CNNM2: variants seen among roughly 807,000 people sequenced by gnomAD.
The protein encoded by CNNM2 is cyclin and CBS domain divalent metal cation transport mediator 2.
CNNM2 carries 12 observed loss-of-function variants against 66.9 expected under a neutral mutation model. The ratio of observed to expected loss-of-function variants is 0.18; its 90% CI spans 0.11 to 0.29. The LOEUF is 0.29. Among genes scored for constraint, CNNM2 ranks in the 10% least tolerant of loss-of-function variants. The pLI is 1.00. For missense variants in CNNM2, 705 were observed against 1,167.7 expected, an observed-to-expected ratio of 0.60 and a Z score of 5.77; for synonymous variants, 557 against 501.8, an observed-to-expected ratio of 1.11 and a Z score of -1.47.
At chr10:103,070,877 C>A (rs12264456) in intron 5 of CNNM2, among the ~76,000 whole-genome samples, 1 of 151,994 alleles carries the variant, frequency 6.6e-6, no homozygotes, top group Non-Finnish European at 1.5e-5. Flanking sequence ...TTGCAGTGAG[C>A]GCAGAGCACG....
intron 1 of CNNM2, among the ~76,000 whole-genome samples, chr10:103,041,836 T>G (rs1047779208): frequency 2.0e-5 from 3 of 152,262 alleles, no homozygotes; most frequent in African/African-American, 7.2e-5. Flanking sequence ...TCTTTGGTTC[T>G]ATCTCAGCCT....
chr10:103,082,386 G>T lies in CNNM2; in HGVS notation c.*5206G>T, dbSNP rs1035242710. ...CAGACTTCTAGAGCAGAGCAAAGTT[G>T]GGAAGAATGAGGTCTTAGGATTCTC... On this transcript the variant is annotated 3_prime_UTR_variant, in exon 8 of 8. Coordinates refer to ENST00000369878, the MANE Select transcript of CNNM2 (RefSeq NM_017649.5). The T allele has an allele frequency of 2.0e-5, 3 of 152,186 alleles. No homozygotes were observed. The highest frequency in any genetic ancestry group is 2.4e-5 in the African/African-American group (1 of 41,430). The allele number at this position is 152,186 out of a possible 1,614,324, so 9.4% of individuals were successfully genotyped here.
chr10:102,939,680 C>T (rs181808609), intron 1 of CNNM2, among the ~76,000 whole-genome samples: 1 of 152,212 alleles, frequency 6.6e-6, no homozygotes, highest in Admixed American at 6.5e-5. Flanking sequence ...TATTTAGCAT[C>T]ATAATAAAGA....
chr10:102,976,425 C>CTTTTTTTTTTTTTTTTTTT lies in CNNM2; in HGVS notation c.1621+56332_1621+56350dup, dbSNP rs1206577839. Among the ~76,000 whole-genome samples the CTTTTTTTTTTTTTTTTTTT allele has an allele frequency of 5.8e-5, 2 of 34,690 alleles. 1 individual carries two copies. The highest frequency in any genetic ancestry group is 1.0e-4 in the Non-Finnish European group (2 of 19,636). 22.8% of individuals were successfully genotyped at this position (34,690 alleles called of 152,430 possible). A position where few individuals can be genotyped will look rare whatever the true frequency, so the allele number is the denominator to read the frequency against. ...TTACAGTATCAGTTCCAATTCTTGC[C>CTTTTTTTTTTTTTTTTTTT]TTTTTTTTTTTTTTTTTTTTTTTTT... On this transcript the variant is annotated intron_variant, in intron 1 of 7. Coordinates refer to ENST00000369878, the MANE Select transcript of CNNM2 (RefSeq NM_017649.5).
In CNNM2 at chr10:103,082,565, G is replaced by A. The variant is rs748010772; in HGVS notation, c.*5385G>A. 4 of 152,214 alleles carry A rather than the reference G, an allele frequency of 2.6e-5. No homozygotes were observed. The highest frequency in any genetic ancestry group is 5.9e-5 in the Non-Finnish European group (4 of 68,048). The allele number at this position is 152,214 out of a possible 1,614,324, so 9.4% of individuals were successfully genotyped here. A position where few individuals can be genotyped will look rare whatever the true frequency, so the allele number is the denominator to read the frequency against. The stretch of plus-strand genomic sequence containing the variant: ...TATTATTTATTATGTACATATGCCT[G>A]TTAGTACTTCGTCTGTGACTAGGAC... On this transcript the variant is annotated 3_prime_UTR_variant, in exon 8 of 8. Coordinates refer to ENST00000369878, the MANE Select transcript of CNNM2 (RefSeq NM_017649.5).
intron 1 of CNNM2, among the ~76,000 whole-genome samples, chr10:103,041,881 G>A (rs540321178): frequency 6.6e-6 from 1 of 152,134 alleles, no homozygotes; most frequent in East Asian, 1.9e-4. Context: ...CCCATGCTTA[G>A]CGCTGGCTCT....
intron 1 of CNNM2, among the ~76,000 whole-genome samples, chr10:102,934,440 C>T (rs1029608941): frequency 2.0e-5 from 3 of 151,848 alleles, no homozygotes; most frequent in Non-Finnish European, 4.4e-5. Context: ...GCCACCACAC[C>T]TGGCTAATTT....
intron 1 of CNNM2, among the ~76,000 whole-genome samples, chr10:103,000,662 T>C (rs1207512967): frequency 1.3e-5 from 2 of 152,084 alleles, no homozygotes; most frequent in Non-Finnish European, 2.9e-5. Flanking sequence ...GCCAGGCTGT[T>C]CTCGAACTCC....
intron 1 of CNNM2, among the ~76,000 whole-genome samples, chr10:102,947,371 A>G (rs1314136234): frequency 6.6e-6 from 1 of 152,162 alleles, no homozygotes; most frequent in East Asian, 1.9e-4. Flanking sequence ...TGCGTCTTCT[A>G]GTGTTTTTCA....
At chr10:102,923,726 G>A (rs970175016) in intron 1 of CNNM2, among the ~76,000 whole-genome samples, 2 of 152,156 alleles carry the variant, frequency 1.3e-5, no homozygotes, top group African/African-American at 4.8e-5. Flanking sequence ...GTGATCCTAA[G>A]TCTAAAGAAT....
intron 1 of CNNM2, among the ~76,000 whole-genome samples, chr10:103,000,508 C>CA (rs1388790616): frequency 1.3e-5 from 2 of 151,916 alleles, no homozygotes; most frequent in African/African-American, 4.8e-5. Context: ...GGATGGAGTG[C>CA]AGTGGTGCAA....
chr10:103,015,412 T>C (rs1420691476), intron 1 of CNNM2, among the ~76,000 whole-genome samples: 1 of 152,182 alleles, frequency 6.6e-6, no homozygotes, highest in Non-Finnish European at 1.5e-5. Context: ...TACTGACTGA[T>C]TTGCACTGAT....
Position 103,086,221 on chromosome 10 carries a change from T to A in CNNM2, c.*9041T>A, listed in dbSNP as rs983544889. The A allele has an allele frequency of 1.3e-5, 2 of 152,206 alleles. No homozygotes were observed. Among genetic ancestry groups the A allele is most frequent in the Admixed American group, 1.3e-4 (2 of 15,278 alleles). The allele number at this position is 152,206 out of a possible 1,614,324, so 9.4% of individuals were successfully genotyped here. ...AAAAGTTGTGTATCATTTGAAATTG[T>A]TCTATTTGAGGAAAAACTTTTAAGA... On this transcript the variant is annotated 3_prime_UTR_variant, in exon 8 of 8. Coordinates refer to ENST00000369878, the MANE Select transcript of CNNM2 (RefSeq NM_017649.5).
At chr10:102,993,678 C>A (rs1447096152) in intron 1 of CNNM2, among the ~76,000 whole-genome samples, 1 of 152,070 alleles carries the variant, frequency 6.6e-6, no homozygotes, top group African/African-American at 2.4e-5. Flanking sequence ...AGGATGTATT[C>A]TTTGTTGTTA....
At chr10:102,930,897 T>C (rs1846041323) in intron 1 of CNNM2, among the ~76,000 whole-genome samples, 1 of 152,232 alleles carries the variant, frequency 6.6e-6, no homozygotes, top group African/African-American at 2.4e-5. Flanking sequence ...CGGCCAAATA[T>C]TCAGTTTTAT....
At chr10:102,981,348 CA>C (rs758995622) in intron 1 of CNNM2, among the ~76,000 whole-genome samples, 2 of 150,524 alleles carry the variant, frequency 1.3e-5, no homozygotes, top group Non-Finnish European at 1.5e-5. Context: ...AGACCAGTCT[CA>C]AAAAAAAACC....
At chr10:102,927,232 A>C (rs1845901158) in intron 1 of CNNM2, 2 of 1,379,708 alleles carry the variant, frequency 1.4e-6, no homozygotes, top group Admixed American at 2.1e-5. Context: ...ATTCATTAAG[A>C]TTTGCTTGAC....
chr10:102,984,239 T>G (rs2063761918), intron 1 of CNNM2, among the ~76,000 whole-genome samples: 1 of 152,334 alleles, frequency 6.6e-6, no homozygotes, highest in Non-Finnish European at 1.5e-5. Context: ...TTTGGGAATG[T>G]TCTTTATTGT....
intron 1 of CNNM2, among the ~76,000 whole-genome samples, chr10:102,952,220 C>T (rs972196159): frequency 3.9e-5 from 6 of 152,030 alleles, no homozygotes; most frequent in African/African-American, 1.4e-4. Context: ...GGATTATAGG[C>T]GTGAGCCACC....
Sources: gnomAD v4.1 joint callset for allele counts (sites outside exome capture counted in the v4.1 genomes callset) on GRCh38, gnomAD v4.1.1 for gene constraint, MANE v1.5 for transcripts, NCBI Gene and HGNC (gene_info 2026-07-23, HGNC 2026-07-21) for gene names.